Variants in ZNF385D observed in about 807,000 individuals in gnomAD.
ZNF385D encodes the protein zinc finger protein 385D, also known as zinc finger protein 659.
ZNF385D carries 15 observed loss-of-function variants against 35.8 expected under a neutral mutation model. The observed-to-expected ratio is 0.42, with a 90% CI of 0.28 to 0.64. The LOEUF (loss-of-function observed/expected upper bound fraction) is 0.64, where lower values mean the gene tolerates loss of function less well. Among genes scored for constraint, ZNF385D ranks in the 30% least tolerant of loss-of-function variants. ZNF385D has a pLI of 0.23. For missense variants in ZNF385D, 474 were observed against 494.6 expected (o/e 0.96, Z 0.39); for synonymous variants, 212 against 186.8 (o/e 1.13, Z -1.10).
In ZNF385D at chr3:22,098,833, A is replaced by T. The variant is rs113387085; in HGVS notation, c.325+69984T>A. On this transcript the variant is annotated intron_variant, in intron 3 of 5. Coordinates refer to the ZNF385D transcript ENST00000494108. ...AAGTATCACATACAGTGATACTGAT[A>T]GAGTAGAAAAACAGGCGAATATAGA... is the stretch of plus-strand genomic sequence containing the variant. 7.9e-5 allele frequency among the ~76,000 whole-genome samples: 12 copies of T among 152,236 alleles called. 1 individual carries two copies. Among genetic ancestry groups the T allele is most frequent in the African/African-American group, 2.9e-4 (12 of 41,584 alleles).
At chr3:21,790,425 T>C (rs2071878771) in intron 3 of ZNF385D, among the ~76,000 whole-genome samples, 1 of 152,190 alleles carries the variant, frequency 6.6e-6, no homozygotes, top group Non-Finnish European at 1.5e-5. Context: ...CTGTTGGTGA[T>C]AAGATTTGGG....
At chr3:22,158,444 C>T (rs1705729758) in intron 3 of ZNF385D, among the ~76,000 whole-genome samples, 1 of 151,910 alleles carries the variant, frequency 6.6e-6, no homozygotes, top group Admixed American at 6.6e-5. Flanking sequence ...TCCAGAAATC[C>T]CTCACTATTT....
At chr3:21,538,097 G>C (rs1257376620) in intron 3 of ZNF385D, among the ~76,000 whole-genome samples, 1 of 152,104 alleles carries the variant, frequency 6.6e-6, no homozygotes, top group African/African-American at 2.4e-5. Flanking sequence ...TTAGCCAGTG[G>C]AACCAGAGGG....
intron 4 of ZNF385D, among the ~76,000 whole-genome samples, chr3:21,460,584 G>T (rs550657397): frequency 2.0e-5 from 3 of 152,206 alleles, no homozygotes; most frequent in Non-Finnish European, 4.4e-5. Context: ...TCATGATAAA[G>T]CTACAATGAA....
chr3:22,328,912 A>G (rs986040435), intron 2 of ZNF385D, among the ~76,000 whole-genome samples: 1 of 150,794 alleles, frequency 6.6e-6, no homozygotes, highest in African/African-American at 2.5e-5. Context: ...CGTCTCTACT[A>G]AAAATACAAA....
intron 3 of ZNF385D, among the ~76,000 whole-genome samples, chr3:22,137,408 T>C (rs927726383): frequency 6.6e-5 from 10 of 152,244 alleles, no homozygotes; most frequent in Admixed American, 5.9e-4. Context: ...TGAACATTGA[T>C]GCAAAAATCC....
intron 1 of ZNF385D, among the ~76,000 whole-genome samples, chr3:21,690,358 A>C (rs2067242407): frequency 6.6e-6 from 1 of 152,152 alleles, no homozygotes; most frequent in Non-Finnish European, 1.5e-5. Flanking sequence ...AATTGATACA[A>C]CCTTGCCTAG....
intron 3 of ZNF385D, among the ~76,000 whole-genome samples, chr3:21,924,553 T>TATGG (rs1250599740): frequency 1.3e-5 from 2 of 152,168 alleles, no homozygotes; most frequent in African/African-American, 4.8e-5. Flanking sequence ...AAAGGCTGTA[T>TATGG]ATGGATCCTA....
chr3:22,348,589 C>T (rs530844202), intron 2 of ZNF385D, among the ~76,000 whole-genome samples: 3 of 147,640 alleles, frequency 2.0e-5, no homozygotes, highest in Admixed American at 1.4e-4. Context: ...GCCTGAACCC[C>T]GGGAGGTGGA....
chr3:22,345,588 G>A (rs73140278), intron 2 of ZNF385D, among the ~76,000 whole-genome samples: 7,068 of 152,176 alleles, frequency 0.046, 512 homozygotes, highest in African/African-American at 0.16. Flanking sequence ...AAACAATAAC[G>A]AAGTAAATAG....
intron 2 of ZNF385D, among the ~76,000 whole-genome samples, chr3:22,303,171 A>G (rs1703000552): frequency 6.6e-6 from 1 of 152,150 alleles, no homozygotes; most frequent in Admixed American, 6.6e-5. Context: ...CATGTTGCCT[A>G]GAATGAAGAC....
chr3:21,769,628 G>A (rs748195460), intron 3 of ZNF385D, among the ~76,000 whole-genome samples: 1 of 104,708 alleles, frequency 9.6e-6, no homozygotes, highest in Non-Finnish European at 2.0e-5. Flanking sequence ...TCATGGATAG[G>A]AAGAATCAAT....
intron 3 of ZNF385D, among the ~76,000 whole-genome samples, chr3:22,086,883 T>C (rs1353614301): frequency 1.3e-5 from 2 of 151,088 alleles, no homozygotes; most frequent in Non-Finnish European, 1.5e-5. Context: ...AATTGAACAA[T>C]GAGAACACTT....
chr3:22,136,984 T>C (rs543439615), intron 3 of ZNF385D, among the ~76,000 whole-genome samples: 91 of 152,264 alleles, frequency 6.0e-4, no homozygotes, highest in Non-Finnish European at 1.2e-3. Flanking sequence ...AACTATTCTA[T>C]ATGATCATGT....
At position 22,107,026 on chromosome 3, in the gene ZNF385D, G is replaced by GTTTTTTTTTTTTTTTTTTTTTTTTTTT. The variant is rs10676871; in HGVS notation, c.325+61790_325+61791insAAAAAAAAAAAAAAAAAAAAAAAAAAA. ...TTTATGCAAAAACTTTGGAATGAGA[G>GTTTTTTTTTTTTTTTTTTTTTTTTTTT]TTTTTTTTTTTTTTTTAGACAGAGT... On this transcript the variant is annotated intron_variant, in intron 3 of 5. Transcript: ENST00000494108. 4.5e-3 allele frequency among the ~76,000 whole-genome samples: 536 copies of GTTTTTTTTTTTTTTTTTTTTTTTTTTT among 118,690 alleles called. 97 individuals are homozygous for GTTTTTTTTTTTTTTTTTTTTTTTTTTT. The highest frequency in any genetic ancestry group is 7.0e-3 in the South Asian group (24 of 3,442). 77.9% of individuals were successfully genotyped at this position (118,690 alleles called of 152,430 possible). A position where few individuals can be genotyped will look rare whatever the true frequency, so the allele number is the denominator to read the frequency against.
chr3:22,348,811 CT>C, intron 2 of ZNF385D, among the ~76,000 whole-genome samples: 1 of 152,298 alleles, frequency 6.6e-6, no homozygotes, highest in South Asian at 2.1e-4. Flanking sequence ...TGATAGCAGA[CT>C]TCTGGCTTCT....
intron 2 of ZNF385D, among the ~76,000 whole-genome samples, chr3:22,253,913 C>T (rs1700184425): frequency 6.6e-6 from 1 of 151,892 alleles, no homozygotes; most frequent in Non-Finnish European, 1.5e-5. Context: ...GTGTTGAACA[C>T]TAGAAAAAAA....
rs35586361 is a variant in ZNF385D at position 21,694,042 on chromosome 3, C to CTTTTTTTTTTTTTTTTTTTTTTTTT, written c.23-29015_23-29014insAAAAAAAAAAAAAAAAAAAAAAAAA. Among the ~76,000 whole-genome samples, 12 of 22,170 alleles carry CTTTTTTTTTTTTTTTTTTTTTTTTT rather than the reference C, an allele frequency of 5.4e-4. 2 individuals carry two copies. The highest frequency in any genetic ancestry group is 1.1e-3 in the African/African-American group (5 of 4,756). The allele number at this position is 22,170 out of a possible 152,430, so 14.5% of individuals were successfully genotyped here. Reference sequence around the variant, plus strand: ...TACAGGCGCGTGCCACTACGCCTGGCTTTTTTTTTTTTTTTTTTTGAGACA... The same window carrying CTTTTTTTTTTTTTTTTTTTTTTTTT: ...TACAGGCGCGTGCCACTACGCCTGGCTTTTTTTTTTTTTTTTTTTTTTTTTTTTTTTTTTTTTTTTTTTTGAGACA... On this transcript the variant is annotated intron_variant, in intron 1 of 7. Transcript: ENST00000281523.
chr3:21,489,451 G>C (rs1045084583), intron 4 of ZNF385D, among the ~76,000 whole-genome samples: 30 of 152,208 alleles, frequency 2.0e-4, no homozygotes, highest in Admixed American at 9.8e-4. Flanking sequence ...TGCTCTAAAG[G>C]GCTCTTCTGA....
Sources: allele counts gnomAD v4.1 joint callset (sites outside exome capture counted in the v4.1 genomes callset), GRCh38; gene constraint gnomAD v4.1.1; transcripts MANE v1.5; gene names NCBI Gene and HGNC (gene_info 2026-07-23, HGNC 2026-07-21).